KCTD20: variants seen among roughly 807,000 people sequenced by gnomAD.
KCTD20 encodes the protein potassium channel tetramerization domain containing 20.
Under a neutral mutation model 39.6 loss-of-function variants are expected in KCTD20, and 30 were observed. The observed-to-expected ratio is 0.76, with a 90% CI of 0.57 to 1.03. The LOEUF (loss-of-function observed/expected upper bound fraction) is 1.03. Among genes scored for constraint, KCTD20 ranks in the 50% least tolerant of loss-of-function variants. KCTD20 has a pLI of 0.00. For missense variants in KCTD20, 422 were observed against 522.0 expected, an observed-to-expected ratio of 0.81 and a Z score of 1.87; for synonymous variants, 162 against 180.6, an observed-to-expected ratio of 0.90 and a Z score of 0.83.
At chr6:36,454,662 G>A (rs146743283) in intron 1 of KCTD20, among the ~76,000 whole-genome samples, 1,810 of 147,514 alleles carry the variant, frequency 0.012, 41 homozygotes, top group African/African-American at 0.043. Context: ...TTCTTGAGTC[G>A]GAGTCTTGCT....
intron 1 of KCTD20, among the ~76,000 whole-genome samples, chr6:36,446,057 G>A (rs1236217062): frequency 3.2e-5 from 4 of 126,002 alleles, no homozygotes; most frequent in South Asian, 5.1e-4. Context: ...ACAGAGTTTC[G>A]CTCTTGTTGC....
In KCTD20 at chr6:36,470,088, GAATCTAA is replaced by G; in HGVS notation, c.-9_-3del. 1.2e-6 allele frequency: 2 copies of G among 1,610,088 alleles called. No individual in the cohort carries two copies. The highest frequency in any genetic ancestry group is 1.7e-6 in the Non-Finnish European group (2 of 1,177,234). ...GATCAAACGGACAGTTCAGGACTCAGAATCTAAGGATGAATGTTCACCGTGGCAGTGA... is the reference window on the plus strand; with the variant it reads ...GATCAAACGGACAGTTCAGGACTCAGGGATGAATGTTCACCGTGGCAGTGA... On this transcript the variant is annotated 5_prime_UTR_variant, in exon 2 of 8. Coordinates refer to ENST00000373731, the MANE Select transcript of KCTD20 (RefSeq NM_173562.5).
intron 1 of KCTD20, among the ~76,000 whole-genome samples, chr6:36,459,099 G>A (rs975598947): frequency 6.6e-6 from 1 of 152,164 alleles, no homozygotes; most frequent in Non-Finnish European, 1.5e-5. Context: ...TGATATCAAG[G>A]TCAAGAGTTT....
rs145257777 is a variant in KCTD20 at position 36,481,590 on chromosome 6, C to G, written c.687C>G (p.Asp229Glu). 1 of 1,614,172 alleles carries G rather than the reference C, an allele frequency of 6.2e-7. No homozygotes were observed. ...LSALLHELSN[D>E]GAHKQFDHYL... ...CTTTACTCCATGAACTGTCTAATGA[C>G]GGTGCTCATAAGCAGTTTGATCACT... Residue 229 changes from aspartate (D) to glutamate (E), a missense_variant, in exon 6 of 8, where the codon GAC (aspartate) becomes GAG (glutamate). Asp to Glu is a conservative substitution (Grantham distance 45). Coordinates refer to ENST00000373731, the MANE Select transcript of KCTD20 (RefSeq NM_173562.5).
intron 2 of KCTD20, among the ~76,000 whole-genome samples, chr6:36,472,139 C>T (rs368218133): frequency 2.2e-4 from 33 of 152,300 alleles, no homozygotes; most frequent in African/African-American, 7.5e-4. Flanking sequence ...TGAGCCACGG[C>T]GCCCGGCCCA....
At chr6:36,471,206 A>AT (rs750436678) in intron 2 of KCTD20, among the ~76,000 whole-genome samples, 9 of 152,144 alleles carry the variant, frequency 5.9e-5, no homozygotes, top group Non-Finnish European at 1.2e-4. Context: ...TAACAAATTA[A>AT]TAGATGTGAA....
intron 1 of KCTD20, among the ~76,000 whole-genome samples, chr6:36,445,290 C>G (rs1211712375): frequency 6.9e-6 from 1 of 145,702 alleles, no homozygotes; most frequent in African/African-American, 2.5e-5. Flanking sequence ...AAATCTGTAA[C>G]AGAGACATCT....
intron 3 of KCTD20, among the ~76,000 whole-genome samples, chr6:36,478,411 A>G (rs1027334442): frequency 6.6e-6 from 1 of 152,198 alleles, no homozygotes. Context: ...CTGTACCCTC[A>G]TGACTTCTGA....
chr6:36,443,652 C>T (rs1774944364), intron 1 of KCTD20: 1 of 152,322 alleles, frequency 6.6e-6, no homozygotes, highest in East Asian at 1.9e-4. Flanking sequence ...ATCCGTGGCT[C>T]TGAGTGCAAA....
intron 1 of KCTD20, among the ~76,000 whole-genome samples, chr6:36,449,873 A>T (rs944831582): frequency 1.4e-4 from 22 of 152,142 alleles, no homozygotes; most frequent in South Asian, 2.1e-4. Context: ...TTAAGAAGTT[A>T]TGTGTTGGTG....
At chr6:36,452,007 C>T (rs564861931) in intron 1 of KCTD20, among the ~76,000 whole-genome samples, 3 of 152,092 alleles carry the variant, frequency 2.0e-5, no homozygotes, top group Non-Finnish European at 4.4e-5. Flanking sequence ...GACAGGGTTT[C>T]GCCATGTTGA....
At chr6:36,462,873 A>G (rs1282270247) in intron 1 of KCTD20, among the ~76,000 whole-genome samples, 1 of 152,182 alleles carries the variant, frequency 6.6e-6, no homozygotes, top group African/African-American at 2.4e-5. Context: ...TCTTAAAGCA[A>G]CATTTTGAAC....
intron 1 of KCTD20, among the ~76,000 whole-genome samples, chr6:36,450,229 T>G (rs1582301090): frequency 1.4e-5 from 2 of 146,502 alleles, no homozygotes; most frequent in South Asian, 4.3e-4. Flanking sequence ...GGCTCCTGCG[T>G]GTAATCCCAA....
In KCTD20 at chr6:36,474,790, C is replaced by A. The variant is rs202055197; in HGVS notation, c.162C>A (p.Asp54Glu). ...LTYPLGPRNE[D>E]LSLDYASQPA... Reference sequence around the variant, plus strand: ...TGGTTTCTTTGTATGTTCTTTTAGACCTCTCACTTGACTATGCCTCTCAGC... The same window carrying A: ...TGGTTTCTTTGTATGTTCTTTTAGAACTCTCACTTGACTATGCCTCTCAGC... Residue 54 changes from aspartate to glutamate, a missense_variant and splice_region_variant, in exon 3 of 8, where the codon GAC (aspartate) becomes GAA (glutamate). Transcript: ENST00000373731. 1.3e-4 allele frequency: 206 copies of A among 1,599,256 alleles called. No homozygotes were observed. Among genetic ancestry groups the A allele is most frequent in the Non-Finnish European group, 1.6e-4 (182 of 1,171,308 alleles).
At chr6:36,464,348 T>C (rs1775681174) in intron 1 of KCTD20, among the ~76,000 whole-genome samples, 1 of 152,196 alleles carries the variant, frequency 6.6e-6, no homozygotes, top group African/African-American at 2.4e-5. Context: ...AGAGACTGGG[T>C]CTTGCTCTGT....
intron 1 of KCTD20, among the ~76,000 whole-genome samples, chr6:36,452,267 C>A (rs980397814): frequency 6.6e-6 from 1 of 151,770 alleles, no homozygotes; most frequent in Non-Finnish European, 1.5e-5. Flanking sequence ...GATATAATTT[C>A]TTCGTTAAAA....
At chr6:36,446,490 G>C (rs547280328) in intron 1 of KCTD20, among the ~76,000 whole-genome samples, 1 of 152,300 alleles carries the variant, frequency 6.6e-6, no homozygotes, top group South Asian at 2.1e-4. Flanking sequence ...CTCTGTGATA[G>C]AATTTAAGAC....
chr6:36,452,639 G>A (rs955011673), intron 1 of KCTD20: 1 of 150,696 alleles, frequency 6.6e-6, no homozygotes. Flanking sequence ...GCTTCCCGAA[G>A]CGATTCTACT....
intron 1 of KCTD20, among the ~76,000 whole-genome samples, chr6:36,461,875 A>G (rs1033216642): frequency 4.6e-5 from 7 of 152,134 alleles, no homozygotes; most frequent in South Asian, 2.1e-4. Flanking sequence ...ATTTGTAGAG[A>G]AGGAGGAAGG....
Sources: allele counts gnomAD v4.1 joint callset (sites outside exome capture counted in the v4.1 genomes callset), GRCh38; gene constraint gnomAD v4.1.1; transcripts MANE v1.5; gene names NCBI Gene and HGNC (gene_info 2026-07-23, HGNC 2026-07-21).